The following ASTN2 variants were observed in gnomAD, a reference collection of about 807,000 sequenced individuals.
ASTN2 encodes the protein astrotactin-2.
In ASTN2, 54 loss-of-function variants were observed where a neutral mutation model predicts 139.8. The ratio of observed to expected loss-of-function variants is 0.39; its 90% CI spans 0.31 to 0.48. The LOEUF (loss-of-function observed/expected upper bound fraction) is 0.48, where lower values mean the gene tolerates loss of function less well. Among genes scored for constraint, ASTN2 ranks in the 20% least tolerant of loss-of-function variants. ASTN2 has a pLI of 0.95. For synonymous variants in ASTN2, 756 were observed against 719.5 expected, an observed-to-expected ratio of 1.05 and a Z score of -0.81; for missense variants, 1,565 against 1,725.1, an observed-to-expected ratio of 0.91 and a Z score of 1.64.
intron 19 of ASTN2, among the ~76,000 whole-genome samples, chr9:116,500,219 T>G (rs1330821744): frequency 6.6e-6 from 1 of 152,192 alleles, no homozygotes; most frequent in African/African-American, 2.4e-5. Flanking sequence ...CCCTCTCCTT[T>G]TGTAAAACCC....
intron 16 of ASTN2, among the ~76,000 whole-genome samples, chr9:116,686,055 C>A (rs1283999999): frequency 6.6e-6 from 1 of 152,106 alleles, no homozygotes; most frequent in Non-Finnish European, 1.5e-5. Flanking sequence ...CCCCTACCTG[C>A]TAATTACAAT....
intron 11 of ASTN2, 45 bp downstream of exon 11, chr9:116,863,538 T>C: frequency 1.9e-6 from 3 of 1,601,654 alleles, no homozygotes; most frequent in Non-Finnish European, 2.6e-6. Context: ...CAGGTGGCCT[T>C]AGCCCCTGGG....
At position 116,820,713 on chromosome 9, in the gene ASTN2, G is replaced by C; in HGVS notation, c.2111C>G (p.Ser704Cys). 6.2e-7 allele frequency: 1 copy of C among 1,614,236 alleles called. No individual in the cohort carries two copies. The highest frequency in any genetic ancestry group is 8.5e-7 in the Non-Finnish European group (1 of 1,180,044). ...CYDHSKGIDC[S>C]DGFNGGCEQL... The stretch of plus-strand genomic sequence containing the variant: ...CTCACAGCCGCCATTAAAGCCATCA[G>C]AGCAGTCAATGCCTTTGGAGTGGTC... The change falls in exon 12 of 23, where the codon TCT becomes TGT. Residue 704 changes from serine to cysteine, a missense_variant. Ser to Cys is a moderately radical substitution (Grantham distance 112). Coordinates refer to ENST00000313400, the MANE Select transcript of ASTN2 (RefSeq NM_001365068.1).
intron 7 of ASTN2, among the ~76,000 whole-genome samples, chr9:117,005,888 G>C (rs1188540710): frequency 7.6e-6 from 1 of 131,000 alleles, no homozygotes; most frequent in Non-Finnish European, 1.9e-5. Flanking sequence ...GTGTTTAATT[G>C]AATCTGTGCC....
intron 5 of ASTN2, among the ~76,000 whole-genome samples, chr9:117,072,648 C>T (rs1828166407): frequency 6.6e-6 from 1 of 152,172 alleles, no homozygotes; most frequent in South Asian, 2.1e-4. Flanking sequence ...TCTCATGGAT[C>T]TATGAATTGG....
intron 22 of ASTN2, among the ~76,000 whole-genome samples, chr9:116,440,339 A>G (rs1466416764): frequency 6.6e-6 from 1 of 152,166 alleles, no homozygotes; most frequent in Non-Finnish European, 1.5e-5. Context: ...TATCTGTAAA[A>G]TGAGGTGGGA....
chr9:117,044,097 T>C (rs1190719463), intron 5 of ASTN2, among the ~76,000 whole-genome samples: 1 of 152,100 alleles, frequency 6.6e-6, no homozygotes, highest in Non-Finnish European at 1.5e-5. Flanking sequence ...ATTTGGCACA[T>C]AGTAGGCCCT....
chr9:117,322,476 G>A (rs181659511), intron 1 of ASTN2, among the ~76,000 whole-genome samples: 5 of 152,220 alleles, frequency 3.3e-5, no homozygotes, highest in African/African-American at 9.6e-5. Context: ...GGAGTAATTC[G>A]TTCCCAGAGA....
rs371935320 is a variant in ASTN2 at position 116,632,044 on chromosome 9, G to A, written c.3073-11601C>T. Among the ~76,000 whole-genome samples the A allele has an allele frequency of 5.9e-5, 9 of 151,432 alleles. No homozygotes were observed. The East Asian group carries it at 9.8e-4, about 16-fold the overall frequency. ...CAGGAGAGTCGCTTGAACCCAGGAG[G>A]TGGAGGTTGCAGTGAGCTGAGATTG... On this transcript the variant is annotated intron_variant, in intron 17 of 22. Coordinates refer to ENST00000313400, the MANE Select transcript of ASTN2 (RefSeq NM_001365068.1).
intron 3 of ASTN2, among the ~76,000 whole-genome samples, chr9:117,182,371 T>C (rs7863605): frequency 0.3 from 44,944 of 151,562 alleles, 6,846 homozygotes; most frequent in African/African-American, 0.35. Flanking sequence ...GATGCACACA[T>C]GGCATAATGA....
chr9:117,374,840 A>G (rs1224095467), intron 1 of ASTN2, among the ~76,000 whole-genome samples: 3 of 152,190 alleles, frequency 2.0e-5, no homozygotes, highest in Admixed American at 6.5e-5. Context: ...TGAAGGAGAA[A>G]TAATCCAGGT....
At chr9:117,198,043 T>C (rs983416877) in intron 3 of ASTN2, among the ~76,000 whole-genome samples, 10 of 152,160 alleles carry the variant, frequency 6.6e-5, no homozygotes, top group African/African-American at 2.4e-4. Context: ...AATGTGCCTA[T>C]GTAGTTTTTT....
chr9:117,048,670 G>A (rs147272498), intron 5 of ASTN2, among the ~76,000 whole-genome samples: 206 of 152,286 alleles, frequency 1.4e-3, no homozygotes, highest in Non-Finnish European at 2.6e-3. Context: ...AGATGGTACC[G>A]TATTATTTTA....
intron 3 of ASTN2, among the ~76,000 whole-genome samples, chr9:117,142,110 A>G (rs1208864258): frequency 1.3e-5 from 2 of 152,356 alleles, no homozygotes; most frequent in East Asian, 1.9e-4. Flanking sequence ...GGTAGTTACA[A>G]GAGAGCTTGC....
intron 1 of ASTN2, among the ~76,000 whole-genome samples, chr9:117,353,047 G>T (rs138407196): frequency 6.6e-6 from 1 of 152,150 alleles, no homozygotes; most frequent in East Asian, 1.9e-4. Context: ...TGATTGCAGA[G>T]AGTTTTTATT....
intron 10 of ASTN2, among the ~76,000 whole-genome samples, chr9:116,897,870 T>C (rs1373035774): frequency 6.6e-6 from 1 of 152,182 alleles, no homozygotes. Flanking sequence ...TAAAGTTATT[T>C]TGGAAATAAC....
At chr9:116,556,467 G>A (rs998742350) in intron 19 of ASTN2, among the ~76,000 whole-genome samples, 5 of 152,062 alleles carry the variant, frequency 3.3e-5, no homozygotes, top group Admixed American at 6.5e-5. Context: ...TTAATTTTTC[G>A]TAAATAATTA....
intron 10 of ASTN2, among the ~76,000 whole-genome samples, chr9:116,934,665 T>A (rs536695800): frequency 6.6e-6 from 1 of 152,178 alleles, no homozygotes; most frequent in South Asian, 2.1e-4. Context: ...TACTAATAGG[T>A]ACTAGGCTTA....
chr9:117,408,796 T>G (rs1831080594), intron 1 of ASTN2, among the ~76,000 whole-genome samples: 1 of 152,110 alleles, frequency 6.6e-6, no homozygotes, highest in Non-Finnish European at 1.5e-5. Flanking sequence ...CTCTCCCCTC[T>G]CTCTGCCCTA....
Sources: allele counts gnomAD v4.1 joint callset (sites outside exome capture counted in the v4.1 genomes callset), GRCh38; gene constraint gnomAD v4.1.1; transcripts MANE v1.5; gene names NCBI Gene and HGNC (gene_info 2026-07-23, HGNC 2026-07-21).